Variants in SAMD12 observed in about 807,000 individuals in gnomAD.
SAMD12 encodes the protein sterile alpha motif domain containing 12, also known as sterile alpha motif domain-containing protein 12.
In SAMD12, 9 loss-of-function variants were observed where a neutral mutation model predicts 15.0. The ratio of observed to expected loss-of-function variants is 0.60; its 90% confidence interval spans 0.36 to 1.05. The LOEUF is 1.05. SAMD12 is among the 50% of genes least tolerant of loss of function. The pLI, the probability that SAMD12 is intolerant of heterozygous loss-of-function variation, is 0.01. For synonymous variants in SAMD12, 86 were observed against 90.1 expected, an observed-to-expected ratio of 0.96 and a Z score of 0.25; for missense variants, 230 against 234.2, an observed-to-expected ratio of 0.98 and a Z score of 0.12.
Position 118,379,120 on chromosome 8 carries a change from G to C in SAMD12, c.*297C>G. On this transcript the variant is annotated 3_prime_UTR_variant, in exon 4 of 4. Coordinates refer to ENST00000314727, the MANE Select transcript of SAMD12 (RefSeq NM_207506.3). Reference sequence around the variant, plus strand: ...AACAAAAACTCCACTTATATCACTGGTCATCGTAACTATTGAATCACTCAA... The same window carrying C: ...AACAAAAACTCCACTTATATCACTGCTCATCGTAACTATTGAATCACTCAA... 1 of 1,120,458 alleles carries C rather than the reference G, an allele frequency of 8.9e-7. No homozygotes were observed. Among genetic ancestry groups the C allele is most frequent in the South Asian group, 3.6e-5 (1 of 27,408 alleles). The allele number at this position is 1,120,458 out of a possible 1,614,324, so 69.4% of individuals were successfully genotyped here.
chr8:118,539,602 C>T (rs1169385435), intron 2 of SAMD12, among the ~76,000 whole-genome samples: 1 of 152,174 alleles, frequency 6.6e-6, no homozygotes, highest in South Asian at 2.1e-4. Context: ...ACCCCAGAGC[C>T]ACAGGGTCCT....
chr8:118,479,259 T>TC (rs751403200), intron 2 of SAMD12, among the ~76,000 whole-genome samples: 19 of 151,980 alleles, frequency 1.3e-4, no homozygotes, highest in Non-Finnish European at 2.2e-4. Flanking sequence ...CACTGGCTGT[T>TC]CCCCCCACAC....
At chr8:118,140,083 G>A in the SAMD12 span, among the ~76,000 whole-genome samples, 1 of 152,198 alleles carries the variant, frequency 6.6e-6, no homozygotes, top group Admixed American at 6.5e-5. Flanking sequence ...GCACAGAGCT[G>A]TTAGAATGGT....
the SAMD12 span, among the ~76,000 whole-genome samples, chr8:118,132,972 GTATATATATA>G: frequency 0.056 from 2,702 of 47,890 alleles, 216 homozygotes; most frequent in Non-Finnish European, 0.071. Context: ...GTGTGTGTGT[GTATATATATA>G]TATATATATA....
intron 4 of SAMD12, among the ~76,000 whole-genome samples, chr8:118,305,534 TG>T (rs1200275681): frequency 6.6e-6 from 1 of 152,258 alleles, no homozygotes; most frequent in African/African-American, 2.4e-5. Flanking sequence ...TGTCTGTTGA[TG>T]GACATTTGGG....
chr8:118,550,045 C>T (rs979669546), intron 2 of SAMD12, among the ~76,000 whole-genome samples: 4 of 152,114 alleles, frequency 2.6e-5, no homozygotes, highest in East Asian at 1.9e-4. Context: ...ACCAAATCTA[C>T]GACTGATTGG....
At chr8:118,259,941 AGAG>A (rs1813038573) in intron 4 of SAMD12, among the ~76,000 whole-genome samples, 1 of 152,158 alleles carries the variant, frequency 6.6e-6, no homozygotes, top group Admixed American at 6.6e-5. Flanking sequence ...AGATTCAGAT[AGAG>A]GAGTTCTTTT....
chr8:118,248,740 C>T (rs1313953960), intron 4 of SAMD12, among the ~76,000 whole-genome samples: 2 of 152,066 alleles, frequency 1.3e-5, no homozygotes, highest in African/African-American at 4.8e-5. Context: ...CCCCAGAAAG[C>T]ATTCTTATAA....
chr8:118,459,151 C>T (rs570251263), intron 2 of SAMD12, among the ~76,000 whole-genome samples: 9 of 152,138 alleles, frequency 5.9e-5, no homozygotes, highest in East Asian at 1.9e-4. Flanking sequence ...CTACAACCTC[C>T]GCCTCCCCGG....
rs181684593 is a variant in SAMD12 at position 118,242,929 on chromosome 8, T to C, written c.434-45197A>G. Among the ~76,000 whole-genome samples the C allele has an allele frequency of 2.4e-3, 369 of 152,282 alleles. 3 individuals are homozygous for C. Among genetic ancestry groups the C allele is most frequent in the African/African-American group, 8.5e-3 (352 of 41,574 alleles). On this transcript the variant is annotated intron_variant, in intron 4 of 4. Coordinates refer to the SAMD12 transcript ENST00000409003. ...CATGCACTCTGCAGAGAGTAGACAA[T>C]GGTTTCCCCATCTGGGCTACAATCT...
At chr8:118,427,261 T>C (rs1402891102) in intron 3 of SAMD12, among the ~76,000 whole-genome samples, 3 of 152,212 alleles carry the variant, frequency 2.0e-5, no homozygotes, top group Admixed American at 6.5e-5. Context: ...AAATGCAGGA[T>C]AACACGTTCA....
intron 4 of SAMD12, among the ~76,000 whole-genome samples, chr8:118,265,731 C>T (rs942897584): frequency 1.3e-5 from 2 of 151,080 alleles, no homozygotes; most frequent in Non-Finnish European, 2.9e-5. Context: ...TTAAGTGGTC[C>T]ATGAATGGGC....
intron 3 of SAMD12, among the ~76,000 whole-genome samples, chr8:118,407,782 T>G (rs1366123430): frequency 3.3e-5 from 5 of 152,156 alleles, no homozygotes; most frequent in Non-Finnish European, 1.5e-5. Context: ...TTCCTCCAAT[T>G]GCACCTTTGC....
chr8:118,374,971 T>A (rs1456137970), downstream of SAMD12, among the ~76,000 whole-genome samples: 1 of 152,128 alleles, frequency 6.6e-6, no homozygotes, highest in Non-Finnish European at 1.5e-5. Flanking sequence ...AGTAATTCTT[T>A]TTGTAAATAA....
At chr8:118,529,777 G>A (rs1277321526) in intron 2 of SAMD12, among the ~76,000 whole-genome samples, 1 of 152,094 alleles carries the variant, frequency 6.6e-6, no homozygotes, top group African/African-American at 2.4e-5. Flanking sequence ...ATGTATGCGT[G>A]TGTCTGTGTG....
At chr8:118,578,133 C>T (rs754150766) in intron 2 of SAMD12, among the ~76,000 whole-genome samples, 6 of 152,146 alleles carry the variant, frequency 3.9e-5, no homozygotes, top group Non-Finnish European at 8.8e-5. Flanking sequence ...TCTACTATGT[C>T]ATAACCTGCC....
intron 4 of SAMD12, among the ~76,000 whole-genome samples, chr8:118,287,347 G>T (rs1046550286): frequency 1.3e-5 from 2 of 150,676 alleles, no homozygotes; most frequent in African/African-American, 4.9e-5. Context: ...GGATGGTCTT[G>T]ATCTCCTGAC....
intron 2 of SAMD12, among the ~76,000 whole-genome samples, chr8:118,459,160 G>A (rs765732779): frequency 6.6e-6 from 1 of 151,930 alleles, no homozygotes; most frequent in Non-Finnish European, 1.5e-5. Flanking sequence ...CCGCCTCCCC[G>A]GTTCAAGTGA....
At chr8:118,204,953 G>A (rs927818380) in intron 4 of SAMD12, among the ~76,000 whole-genome samples, 4 of 152,090 alleles carry the variant, frequency 2.6e-5, no homozygotes, top group African/African-American at 9.7e-5. Context: ...TGGGCCACTG[G>A]GTGTCCAGAT....
Sources: allele counts gnomAD v4.1 joint callset (sites outside exome capture counted in the v4.1 genomes callset), GRCh38; gene constraint gnomAD v4.1.1; transcripts MANE v1.5; gene names NCBI Gene and HGNC (gene_info 2026-07-23, HGNC 2026-07-21).